The following ROBO2 variants were observed in gnomAD, a reference collection of about 807,000 sequenced individuals.
The protein encoded by ROBO2 is roundabout guidance receptor 2, also known as roundabout homolog 2.
In ROBO2, 53 loss-of-function variants were observed where a neutral mutation model predicts 160.8. The ratio of observed to expected loss-of-function variants is 0.33; its 90% CI spans 0.26 to 0.41. The LOEUF (loss-of-function observed/expected upper bound fraction) is 0.41. ROBO2 is among the 10% of genes least tolerant of loss of function. The pLI is 1.00. For synonymous variants in ROBO2, 664 were observed against 611.7 expected, an observed-to-expected ratio of 1.09 and a Z score of -1.26; for missense variants, 1,577 against 1,722.4, an observed-to-expected ratio of 0.92 and a Z score of 1.49.
chr3:77,494,704 T>C (rs1481077312), intron 5 of ROBO2, among the ~76,000 whole-genome samples: 11 of 152,250 alleles, frequency 7.2e-5, no homozygotes, highest in Non-Finnish European at 4.4e-5. Context: ...ATCAGTAATT[T>C]CCTAAATGTA....
At chr3:77,467,918 G>C (rs980491211) in intron 2 of ROBO2, among the ~76,000 whole-genome samples, 1 of 152,268 alleles carries the variant, frequency 6.6e-6, no homozygotes, top group Non-Finnish European at 1.5e-5. Context: ...GAATGTGTTG[G>C]GAGCATGGTG....
chr3:76,270,809 G>A (rs753818618), intron 2 of ROBO2, among the ~76,000 whole-genome samples: 4 of 152,024 alleles, frequency 2.6e-5, no homozygotes, highest in Admixed American at 1.3e-4. Context: ...ACTAAATGTA[G>A]AGTATAGCAA....
chr3:77,451,664 T>G (rs1560871406), intron 2 of ROBO2, among the ~76,000 whole-genome samples: 1 of 152,134 alleles, frequency 6.6e-6, no homozygotes, highest in Non-Finnish European at 1.5e-5. Context: ...TCTAGTTCAT[T>G]TCCTCTTTAT....
At chr3:77,493,182 T>C in intron 4 of ROBO2, 62 bp from the exon 5 acceptor site, 1 of 1,564,216 alleles carries the variant, frequency 6.4e-7, no homozygotes, top group Non-Finnish European at 8.8e-7. Context: ...TTTTTCATAA[T>C]GTACTTAAAG....
intron 2 of ROBO2, among the ~76,000 whole-genome samples, chr3:76,913,530 T>G (rs1163628271): frequency 6.6e-6 from 1 of 152,246 alleles, no homozygotes. Flanking sequence ...TCGAGAAAGC[T>G]GTGATTCTAC....
chr3:77,620,089 A>G (rs2094869481), intron 22 of ROBO2, among the ~76,000 whole-genome samples: 1 of 152,204 alleles, frequency 6.6e-6, no homozygotes, highest in Admixed American at 6.5e-5. Context: ...AAATACCCAT[A>G]GAGGACACCC....
intron 2 of ROBO2, among the ~76,000 whole-genome samples, chr3:76,377,283 C>T (rs867774404): frequency 2.0e-5 from 3 of 152,068 alleles, no homozygotes; most frequent in South Asian, 2.1e-4. Flanking sequence ...AAACAAGGTC[C>T]TATGCCTGCA....
At chr3:76,124,994 C>T (rs2070913934) in intron 2 of ROBO2, among the ~76,000 whole-genome samples, 1 of 151,990 alleles carries the variant, frequency 6.6e-6, no homozygotes, top group South Asian at 2.1e-4. Flanking sequence ...ACCCATTCAC[C>T]CCCTCCTTCC....
intron 2 of ROBO2, among the ~76,000 whole-genome samples, chr3:77,356,338 A>T (rs2069122499): frequency 6.6e-6 from 1 of 151,332 alleles, no homozygotes; most frequent in Non-Finnish European, 1.5e-5. Flanking sequence ...TGAGAGAGAG[A>T]GAGGGAGAAT....
intron 2 of ROBO2, among the ~76,000 whole-genome samples, chr3:76,652,478 T>C (rs2091298709): frequency 6.6e-6 from 1 of 152,154 alleles, no homozygotes; most frequent in African/African-American, 2.4e-5. Flanking sequence ...CCACATTCTG[T>C]CCTCTTTACC....
chr3:76,791,558 A>T (rs550309668), intron 2 of ROBO2, among the ~76,000 whole-genome samples: 2 of 151,298 alleles, frequency 1.3e-5, no homozygotes, highest in South Asian at 4.2e-4. Context: ...ACACACTGAC[A>T]CCAACTAAAG....
chr3:77,645,990 A>G lies in ROBO2; in HGVS notation c.4136-64A>G, dbSNP rs975665236. 13 of 1,234,938 alleles carry G rather than the reference A, an allele frequency of 1.1e-5. No individual in the cohort carries two copies. The South Asian group carries it at 1.3e-4, about 13-fold the overall frequency. 76.5% of individuals were successfully genotyped at this position (1,234,938 alleles called of 1,614,324 possible). A position where few individuals can be genotyped will look rare whatever the true frequency, so the allele number is the denominator to read the frequency against. On this transcript the variant is annotated intron_variant, in intron 25 of 25. Coordinates refer to ENST00000461745, the Ensembl canonical transcript of ROBO2. ...TTATCTGTTGGCTTTGCTTTTTGTTATGCTGGTCAGAAAAGCAGAATGCTT... is the reference window on the plus strand; with the variant it reads ...TTATCTGTTGGCTTTGCTTTTTGTTGTGCTGGTCAGAAAAGCAGAATGCTT...
intron 2 of ROBO2, among the ~76,000 whole-genome samples, chr3:76,823,763 C>G (rs1054933608): frequency 1.3e-5 from 2 of 151,874 alleles, no homozygotes; most frequent in Admixed American, 6.6e-5. Flanking sequence ...GATATGACAC[C>G]AATGGAGGAG....
intron 2 of ROBO2, among the ~76,000 whole-genome samples, chr3:76,069,170 G>A (rs982262755): frequency 1.3e-5 from 2 of 152,092 alleles, no homozygotes; most frequent in Non-Finnish European, 2.9e-5. Context: ...CCACCTAGTT[G>A]ATATTACTTC....
At chr3:77,565,312 G>A (rs2093447460) in intron 12 of ROBO2, among the ~76,000 whole-genome samples, 192 bp downstream of exon 13, 1 of 151,752 alleles carries the variant, frequency 6.6e-6, no homozygotes, top group South Asian at 2.1e-4. Context: ...GGAGTTTTTG[G>A]GTTTATTCAG....
chr3:76,872,582 C>T (rs192116533), intron 2 of ROBO2, among the ~76,000 whole-genome samples: 1 of 152,022 alleles, frequency 6.6e-6, no homozygotes, highest in East Asian at 1.9e-4. Flanking sequence ...GAATTGTAGA[C>T]TTATTTGTTA....
Position 76,178,394 on chromosome 3 carries a change from TAAG to T in ROBO2, c.109+240797_109+240799del, listed in dbSNP as rs1334459656. Among the ~76,000 whole-genome samples the T allele has an allele frequency of 3.3e-5, 5 of 152,176 alleles. No homozygotes were observed. In the East Asian group the frequency reaches 7.7e-4, roughly 23 times the overall value. ...CTAGAGGGAAAAAAAGGAGAGGCGATAAGAAGACTTGAAGCTTAAATTGGTGTA... is the reference window on the plus strand; with the variant it reads ...CTAGAGGGAAAAAAAGGAGAGGCGATAAGACTTGAAGCTTAAATTGGTGTA... On this transcript the variant is annotated intron_variant, in intron 2 of 26. Coordinates refer to the ROBO2 transcript ENST00000487694.
intron 2 of ROBO2, among the ~76,000 whole-genome samples, chr3:76,632,185 C>T (rs1007816290): frequency 2.0e-5 from 3 of 152,186 alleles, no homozygotes; most frequent in Admixed American, 6.5e-5. Flanking sequence ...CACTAGCTTG[C>T]AGGGAAACAT....
At chr3:76,635,807 G>T (rs1297596274) in intron 2 of ROBO2, among the ~76,000 whole-genome samples, 1 of 152,220 alleles carries the variant, frequency 6.6e-6, no homozygotes, top group African/African-American at 2.4e-5. Context: ...TAACAGAATT[G>T]TTTATTGTAG....
Sources: gnomAD v4.1 joint callset for allele counts (sites outside exome capture counted in the v4.1 genomes callset) on GRCh38, gnomAD v4.1.1 for gene constraint, MANE v1.5 for transcripts, NCBI Gene and HGNC (gene_info 2026-07-23, HGNC 2026-07-21) for gene names.